ZEB2: variants seen among roughly 807,000 people sequenced by gnomAD.
ZEB2 encodes zinc finger E-box-binding homeobox 2.
In ZEB2, 6 loss-of-function variants were observed where a neutral mutation model predicts 99.9. The observed-to-expected ratio is 0.06, with a 90% CI of 0.03 to 0.12. ZEB2 has a LOEUF of 0.12. Among genes scored for constraint, ZEB2 ranks in the 10% least tolerant of loss-of-function variants. The probability of loss-of-function intolerance (pLI) is 1.00; values close to 1 mark genes in which losing one functional copy is unlikely to be tolerated. For missense variants in ZEB2, 969 were observed against 1,502.8 expected, an observed-to-expected ratio of 0.64 and a Z score of 5.87; for synonymous variants, 517 against 542.5, an observed-to-expected ratio of 0.95 and a Z score of 0.65.
chr2:144,501,894 G>A (rs1485858890), intron 2 of ZEB2, among the ~76,000 whole-genome samples: 1 of 152,160 alleles, frequency 6.6e-6, no homozygotes, highest in East Asian at 1.9e-4. Context: ...TATGCTGTTA[G>A]CAAGTGTCTT....
intron 4 of ZEB2, among the ~76,000 whole-genome samples, chr2:144,414,937 C>A (rs149823648): frequency 0.016 from 1,804 of 114,744 alleles, 15 homozygotes; most frequent in Non-Finnish European, 0.021. Context: ...AAAATGCCCA[C>A]TTCAGAGTGT....
At chr2:144,505,650 T>C (rs1704943308) in intron 2 of ZEB2, among the ~76,000 whole-genome samples, 1 of 152,174 alleles carries the variant, frequency 6.6e-6, no homozygotes, top group African/African-American at 2.4e-5. Flanking sequence ...TTGCTGAGAC[T>C]GGTTGAAGCC....
rs143172057 is a variant in ZEB2 at position 144,474,506 on chromosome 2, A to C, written c.73+42772T>G. Among the ~76,000 whole-genome samples the C allele has an allele frequency of 5.0e-3, 763 of 152,310 alleles. 5 individuals carry two copies. Among genetic ancestry groups the C allele is most frequent in the Non-Finnish European group, 8.2e-3 (559 of 68,020 alleles). On this transcript the variant is annotated intron_variant, in intron 2 of 9. Transcript: ENST00000627532. ...TTTCAATTTCCTCTTGCACATGAAG[A>C]GTTCTAAGGTGTCAGAAACTGATCT...
intron 4 of ZEB2, among the ~76,000 whole-genome samples, chr2:144,414,622 T>C (rs1382865334): frequency 1.3e-5 from 2 of 152,184 alleles, no homozygotes; most frequent in Non-Finnish European, 2.9e-5. Flanking sequence ...TTAACAGATG[T>C]TACAACTAAG....
rs557291362 is a variant in ZEB2 at position 144,430,074 on chromosome 2, C to T, written c.74-48G>A. 30 of 1,606,050 alleles carry T rather than the reference C, an allele frequency of 1.9e-5. No individual in the cohort carries two copies. In the South Asian group the frequency reaches 3.0e-4, roughly 16 times the overall value. ...ACTCTCTAAACACTCTGTTGAGAAA[C>T]ATCAGCCACCCCTAATTGTTTAGTT... On this transcript the variant is annotated intron_variant, in intron 2 of 9. Transcript: ENST00000627532.
intron 2 of ZEB2, chr2:144,511,626 A>C: frequency 7.8e-7 from 1 of 1,286,742 alleles, no homozygotes; most frequent in Non-Finnish European, 1.0e-6. Flanking sequence ...GTCATTCAAT[A>C]GATTTTCCAA....
intron 2 of ZEB2, among the ~76,000 whole-genome samples, chr2:144,459,312 G>A (rs536195930): frequency 1.3e-5 from 2 of 152,242 alleles, no homozygotes; most frequent in South Asian, 4.1e-4. Context: ...TGTCACTTCT[G>A]TAGGACACGG....
At chr2:144,497,802 T>G (rs1341232359) in intron 2 of ZEB2, 1 of 148,302 alleles carries the variant, frequency 6.7e-6, no homozygotes, top group African/African-American at 2.9e-5. Context: ...TGGAGGGAGC[T>G]TGTATAAAAA....
chr2:144,517,362 G>T lies in ZEB2; in HGVS notation c.-12C>A. The T allele has an allele frequency of 6.2e-7, 1 of 1,613,658 alleles. No individual in the cohort carries two copies. Among genetic ancestry groups the T allele is most frequent in the Non-Finnish European group, 8.5e-7 (1 of 1,179,850 alleles). ...ATCGGCTGCTTCATTGATAAGAGCGGATCAGATGGCAGTTCGCATGGACTC... is the reference window on the plus strand; with the variant it reads ...ATCGGCTGCTTCATTGATAAGAGCGTATCAGATGGCAGTTCGCATGGACTC... On this transcript the variant is annotated 5_prime_UTR_variant, in exon 2 of 10. Coordinates refer to ENST00000627532, the MANE Select transcript of ZEB2 (RefSeq NM_014795.4).
chr2:144,514,025 G>C, intron 2 of ZEB2: 1 of 813,462 alleles, frequency 1.2e-6, no homozygotes, highest in South Asian at 1.9e-5. Flanking sequence ...TATTTTCTGG[G>C]AAGAGATTTC....
At position 144,399,225 on chromosome 2, in the gene ZEB2, G is replaced by A. The variant is rs750288966; in HGVS notation, c.1962C>T (p.Asp654=). ...GMTSPINPYK[D]HMSVLKAYYA... ...AGTATGCTTTGAGTACAGACATGTGGTCCTTGTATGGGTTGATGGGGCTTG... is the reference window on the plus strand; with the variant it reads ...AGTATGCTTTGAGTACAGACATGTGATCCTTGTATGGGTTGATGGGGCTTG... The change falls in exon 8 of 10, where the codon GAC becomes GAT. Residue 654 remains aspartate, a synonymous_variant. Coordinates refer to ENST00000627532, the MANE Select transcript of ZEB2 (RefSeq NM_014795.4). The surrounding 1 kb of genome is among the most constrained non-coding windows in gnomAD (Gnocchi z 5.6). 1 of 1,614,028 alleles carries A rather than the reference G, an allele frequency of 6.2e-7. No homozygotes were observed. Among genetic ancestry groups the A allele is most frequent in the Admixed American group, 1.7e-5 (1 of 59,994 alleles).
chr2:144,430,116 A>AT, intron 2 of ZEB2, 90 bp from the exon 3 acceptor site: 3 of 1,513,222 alleles, frequency 2.0e-6, no homozygotes, highest in Non-Finnish European at 2.7e-6. Flanking sequence ...AAAATAATTA[A>AT]TATTTTCATA....
At chr2:144,400,402 AT>A in intron 7 of ZEB2, 132 bp from the exon 8 acceptor site, 3 of 984,642 alleles carry the variant, frequency 3.0e-6, no homozygotes, top group Non-Finnish European at 4.5e-6. Flanking sequence ...AGGTACTTAG[AT>A]TAGAATTATG....
At chr2:144,507,342 T>G (rs940849487) in intron 2 of ZEB2, 1 of 152,200 alleles carries the variant, frequency 6.6e-6, no homozygotes, top group Non-Finnish European at 1.5e-5. Context: ...CTTAATTTTA[T>G]AGCAGCGTTA....
At chr2:144,507,856 G>GAATA (rs1704972344) in intron 2 of ZEB2, among the ~76,000 whole-genome samples, 1 of 152,160 alleles carries the variant, frequency 6.6e-6, no homozygotes, top group Non-Finnish European at 1.5e-5. Flanking sequence ...GGCAATCGGA[G>GAATA]AATAATTCAT....
intron 2 of ZEB2, among the ~76,000 whole-genome samples, chr2:144,439,391 C>T (rs761027838): frequency 6.6e-6 from 1 of 152,186 alleles, no homozygotes; most frequent in African/African-American, 2.4e-5. Context: ...CGGCCTGGTG[C>T]GTCCTCTCAG....
intron 2 of ZEB2, among the ~76,000 whole-genome samples, chr2:144,485,395 A>C (rs899801822): frequency 3.7e-4 from 56 of 152,158 alleles, no homozygotes; most frequent in African/African-American, 1.2e-3. Flanking sequence ...TTGGGTTGGG[A>C]TATTTTTTAT....
At chr2:144,414,378 T>G (rs193015489) in intron 4 of ZEB2, among the ~76,000 whole-genome samples, 5 of 152,152 alleles carry the variant, frequency 3.3e-5, no homozygotes, top group Non-Finnish European at 7.4e-5. Context: ...AGACAGCAAC[T>G]GCAGAGCCAA....
rs531252689 is a variant in ZEB2, at chr2:144,412,518, T to C, written c.404-7494A>G. The stretch of plus-strand genomic sequence containing the variant: ...GATTTTCAAAAGTCAGTGGCATCCG[T>C]ATCATCTGGGAGCTTGCTTGAAATG... On this transcript the variant is annotated intron_variant, in intron 4 of 9. Transcript: ENST00000627532. Among the ~76,000 whole-genome samples the C allele has an allele frequency of 4.6e-5, 7 of 152,354 alleles. No homozygotes were observed. In the East Asian group the frequency reaches 1.2e-3, roughly 25 times the overall value.
Sources: gnomAD v4.1 joint callset for allele counts (sites outside exome capture counted in the v4.1 genomes callset) on GRCh38, gnomAD v4.1.1 for gene constraint, Gnocchi (gnomAD v3.1) non-coding constraint, MANE v1.5 for transcripts, NCBI Gene and HGNC (gene_info 2026-07-23, HGNC 2026-07-21) for gene names.